Variants in FAM174B observed in about 807,000 individuals in gnomAD.
FAM174B encodes the protein family with sequence similarity 174 member B, also known as membrane protein FAM174B.
In FAM174B, 12 loss-of-function variants were observed where a neutral mutation model predicts 10.9. The ratio of observed to expected loss-of-function variants is 1.10; its 90% CI spans 0.71 to 1.79. FAM174B has a LOEUF of 1.79. Among genes scored for constraint, FAM174B ranks in the 40% most tolerant of loss-of-function variants. The pLI is 0.00. For missense variants in FAM174B, 266 were observed against 233.3 expected (o/e 1.14, Z -0.91); for synonymous variants, 132 against 115.8 (o/e 1.14, Z -0.90).
At chr15:92,619,993 C>T (rs1206558952) in intron 2 of FAM174B, 1 of 158,728 alleles carries the variant, frequency 6.3e-6, no homozygotes, top group East Asian at 1.8e-4. Context: ...GGTTCTTTTT[C>T]AACCATTAAA....
At chr15:92,630,174 G>A (rs749118466) in intron 2 of FAM174B, 40 bp downstream of exon 2, 7 of 1,606,760 alleles carry the variant, frequency 4.4e-6, no homozygotes, top group South Asian at 2.2e-5. Context: ...CCAACCCACT[G>A]CCCCAAGCCC....
At chr15:92,627,488 A>C (rs959968420) in intron 2 of FAM174B, 1 of 158,190 alleles carries the variant, frequency 6.3e-6, no homozygotes, top group Non-Finnish European at 1.5e-5. Flanking sequence ...ACCAGGCCAC[A>C]ATAATATGGA....
chr15:92,639,646 G>C (rs766834452), intron 1 of FAM174B, among the ~76,000 whole-genome samples: 4 of 152,186 alleles, frequency 2.6e-5, no homozygotes, highest in Non-Finnish European at 5.9e-5. Flanking sequence ...CTGGATCATG[G>C]GGGTGGGCCT....
intron 2 of FAM174B, among the ~76,000 whole-genome samples, chr15:92,629,613 T>A (rs1478021025): frequency 6.6e-6 from 1 of 152,220 alleles, no homozygotes; most frequent in Non-Finnish European, 1.5e-5. Context: ...CTTTTCCTTC[T>A]ATAAAGGTGA....
In FAM174B at chr15:92,655,581, T is replaced by TGGCGCGGGC; in HGVS notation, c.70_78dup (p.Ala24_Ala26dup). 1 of 1,315,406 alleles carries TGGCGCGGGC rather than the reference T, an allele frequency of 7.6e-7. No individual in the cohort carries two copies. The highest frequency in any genetic ancestry group is 9.7e-7 in the Non-Finnish European group (1 of 1,034,448). The allele number at this position is 1,315,406 out of a possible 1,614,324, so 81.5% of individuals were successfully genotyped here. On this transcript the variant is annotated inframe_insertion, in exon 1 of 3. Coordinates refer to ENST00000327355, the MANE Select transcript of FAM174B (RefSeq NM_207446.3). Reference sequence around the variant, plus strand: ...GGCGCGGAGACGGACTCGGCTCTGCTGGCGCGGGCGGCGGGAGCGGCCAGG... The same window carrying TGGCGCGGGC: ...GGCGCGGAGACGGACTCGGCTCTGCTGGCGCGGGCGGCGCGGGCGGCGGGAGCGGCCAGG...
Position 92,618,531 on chromosome 15 carries a change from A to AT in FAM174B, c.*924dup, listed in dbSNP as rs148884608. ...TCAAATATAGTCCCCTGACAGTGTGATTTTTTCCAGCCAGCCAAATCACCG... is the reference window on the plus strand; with the variant it reads ...TCAAATATAGTCCCCTGACAGTGTGATTTTTTTCCAGCCAGCCAAATCACCG... On this transcript the variant is annotated 3_prime_UTR_variant, in exon 3 of 3. Coordinates refer to ENST00000327355, the MANE Select transcript of FAM174B (RefSeq NM_207446.3). 0.087 allele frequency: 13,266 copies of AT among 152,618 alleles called. 897 individuals are homozygous for AT. The highest frequency in any genetic ancestry group is 0.28 in the East Asian group (1,432 of 5,174). 9.5% of individuals were successfully genotyped at this position (152,618 alleles called of 1,614,324 possible).
At chr15:92,646,009 AC>A (rs1239912579) in intron 1 of FAM174B, among the ~76,000 whole-genome samples, 2 of 142,610 alleles carry the variant, frequency 1.4e-5, no homozygotes, top group Non-Finnish European at 3.1e-5. Flanking sequence ...CTGCCTGGTC[AC>A]CCCCTTCACA....
At chr15:92,647,527 A>G (rs924541511) in intron 1 of FAM174B, among the ~76,000 whole-genome samples, 1 of 152,146 alleles carries the variant, frequency 6.6e-6, no homozygotes, top group Non-Finnish European at 1.5e-5. Flanking sequence ...CCTAGACAAG[A>G]AAGGAGGTCA....
chr15:92,640,898 G>C (rs1241144657), intron 1 of FAM174B, among the ~76,000 whole-genome samples: 1 of 152,062 alleles, frequency 6.6e-6, no homozygotes, highest in East Asian at 1.9e-4. Context: ...ACCCGCCTCA[G>C]CCTCCCAAAG....
At chr15:92,650,015 G>C (rs2141965134) in intron 1 of FAM174B, among the ~76,000 whole-genome samples, 1 of 152,080 alleles carries the variant, frequency 6.6e-6, no homozygotes, top group African/African-American at 2.4e-5. Flanking sequence ...AAATGGGGCT[G>C]GACCTTCTAA....
intron 1 of FAM174B, among the ~76,000 whole-genome samples, chr15:92,652,187 A>G (rs1173205408): frequency 6.6e-6 from 1 of 152,234 alleles, no homozygotes. Context: ...ACAGAAGATT[A>G]ATGCCTAGTC....
chr15:92,655,465 G>GC lies in FAM174B; in HGVS notation c.194dup (p.Ser65ArgfsTer63), dbSNP rs1251223044. On this transcript the variant is annotated frameshift_variant, in exon 1 of 3. Coordinates refer to ENST00000327355, the MANE Select transcript of FAM174B (RefSeq NM_207446.3). LOFTEE classifies it high-confidence loss of function. Reference sequence around the variant, plus strand: ...CACTGCTGTTGGAGCTGGAGCTGCCGCTGCCGCCCGCCGCCCCAGACCCAA... The same window carrying GC: ...CACTGCTGTTGGAGCTGGAGCTGCCGCCTGCCGCCCGCCGCCCCAGACCCAA... 1.3e-6 allele frequency: 2 copies of GC among 1,558,158 alleles called. No individual in the cohort carries two copies. Among genetic ancestry groups the GC allele is most frequent in the Non-Finnish European group, 1.7e-6 (2 of 1,155,608 alleles).
chr15:92,654,197 A>G (rs1415075141), intron 1 of FAM174B, among the ~76,000 whole-genome samples: 1 of 152,170 alleles, frequency 6.6e-6, no homozygotes, highest in Non-Finnish European at 1.5e-5. Flanking sequence ...CAATACATAG[A>G]TGGCTCCTAA....
chr15:92,630,068 T>C, intron 2 of FAM174B, 146 bp downstream of exon 2: 1 of 625,048 alleles, frequency 1.6e-6, no homozygotes, highest in Middle Eastern at 4.4e-4. Flanking sequence ...TAACACAAGA[T>C]CAGAGCAGGT....
chr15:92,621,905 G>A (rs572430929), intron 2 of FAM174B, among the ~76,000 whole-genome samples: 1 of 152,134 alleles, frequency 6.6e-6, no homozygotes, highest in Non-Finnish European at 1.5e-5. Context: ...GCCTTCCACT[G>A]CATCTTGCTG....
At chr15:92,652,915 G>A (rs902923449) in intron 1 of FAM174B, among the ~76,000 whole-genome samples, 8 of 152,176 alleles carry the variant, frequency 5.3e-5, no homozygotes, top group East Asian at 1.9e-4. Context: ...AGTACAGACC[G>A]AATAGCACAG....
intron 2 of FAM174B, among the ~76,000 whole-genome samples, chr15:92,626,834 C>G (rs2050756301): frequency 6.6e-6 from 1 of 151,968 alleles, no homozygotes; most frequent in African/African-American, 2.4e-5. Context: ...GGGTGGATCA[C>G]GAGGTCAAGA....
chr15:92,631,358 T>C (rs1361131002), intron 1 of FAM174B, among the ~76,000 whole-genome samples: 1 of 23,334 alleles, frequency 4.3e-5, no homozygotes, highest in Non-Finnish European at 6.2e-5. Flanking sequence ...TAATATATTA[T>C]ATATTATATT....
At chr15:92,654,796 AAAAAAG>A (rs1012440972) in intron 1 of FAM174B, among the ~76,000 whole-genome samples, 3 of 149,312 alleles carry the variant, frequency 2.0e-5, no homozygotes, top group African/African-American at 7.6e-5. Context: ...GCAAAAAAAA[AAAAAAG>A]AAGAAGAAGA....
Sources: gnomAD v4.1 joint callset for allele counts (sites outside exome capture counted in the v4.1 genomes callset) on GRCh38, gnomAD v4.1.1 for gene constraint, MANE v1.5 for transcripts, NCBI Gene and HGNC (gene_info 2026-07-23, HGNC 2026-07-21) for gene names.